The following GTPBP10 variants were observed in gnomAD, a reference collection of about 807,000 sequenced individuals.
GTPBP10 encodes the protein GTP binding protein 10.
Under a neutral mutation model 44.8 loss-of-function variants are expected in GTPBP10, and 38 were observed. The observed-to-expected ratio is 0.85, with a 90% CI of 0.65 to 1.11. The LOEUF (loss-of-function observed/expected upper bound fraction) is 1.11, where lower values mean the gene tolerates loss of function less well. GTPBP10 is among the 50% of genes most tolerant of loss of function. The pLI is 0.00. For missense variants in GTPBP10, 462 were observed against 453.7 expected, an observed-to-expected ratio of 1.02 and a Z score of -0.17; for synonymous variants, 152 against 150.6, an observed-to-expected ratio of 1.01 and a Z score of -0.07.
At chr7:90,375,436 G>A (rs985726959) in intron 6 of GTPBP10, among the ~76,000 whole-genome samples, 8 of 151,594 alleles carry the variant, frequency 5.3e-5, no homozygotes, top group African/African-American at 9.8e-5. Flanking sequence ...GGGTGCTAAC[G>A]ATGCATCAAT....
At chr7:90,348,421 A>G (rs976559927) in intron 1 of GTPBP10, among the ~76,000 whole-genome samples, 1 of 152,196 alleles carries the variant, frequency 6.6e-6, no homozygotes, top group African/African-American at 2.4e-5. Flanking sequence ...TGACACATAT[A>G]AAATATATAT....
At chr7:90,362,911 C>A (rs174071) in intron 4 of GTPBP10, among the ~76,000 whole-genome samples, 115,290 of 152,032 alleles carry the variant, frequency 0.76, 43,981 homozygotes, top group East Asian at 0.89. Context: ...CTCTTTTGAT[C>A]TTTGTTGGTT....
chr7:90,362,739 A>T (rs13230104), intron 4 of GTPBP10, among the ~76,000 whole-genome samples: 5,172 of 152,252 alleles, frequency 0.034, 122 homozygotes, highest in South Asian at 0.057. Flanking sequence ...GGGGTGTTAA[A>T]GTCTCCCATT....
At chr7:90,359,157 T>A (rs924028981) in intron 4 of GTPBP10, among the ~76,000 whole-genome samples, 6 of 152,128 alleles carry the variant, frequency 3.9e-5, no homozygotes, top group African/African-American at 1.4e-4. Flanking sequence ...TAAAAAAATT[T>A]TTTTTATTAT....
chr7:90,384,966 G>A lies in GTPBP10; in HGVS notation c.976G>A (p.Ala326Thr). ...VEFQHIIPISAVTGEGIEELK... is the reference protein window; with the variant it reads ...VEFQHIIPISTVTGEGIEELK... ...GTTCCAACATATCATCCCCATATCT[G>A]CAGTTACTGGAGAAGGAATCGAAGA... is the stretch of plus-strand genomic sequence containing the variant. The change falls in exon 10 of 10, where the codon GCA becomes ACA. Residue 326 changes from alanine (A) to threonine (T), a missense_variant. Physicochemically the swap from Ala to Thr is moderately conservative, Grantham distance 58. Coordinates refer to ENST00000222511, the MANE Select transcript of GTPBP10 (RefSeq NM_033107.4). The A allele has an allele frequency of 1.2e-6, 2 of 1,611,890 alleles. No homozygotes were observed. Among genetic ancestry groups the A allele is most frequent in the Non-Finnish European group, 1.7e-6 (2 of 1,178,122 alleles).
chr7:90,384,902 T>C lies in GTPBP10; in HGVS notation c.912T>C (p.His304=). 6.3e-7 allele frequency: 1 copy of C among 1,586,430 alleles called. No homozygotes were observed. The highest frequency in any genetic ancestry group is 1.2e-5 in the South Asian group (1 of 85,440). ...TGCTCTTTCTTTTAGATTTTCTGCA[T>C]TTATTTGAAAAAAACATGATTCCAG... The part of the protein sequence containing the change: ...SQLQNPKDFL[H]LFEKNMIPER... The change falls in exon 10 of 10, where the codon CAT becomes CAC. Residue 304 remains histidine (H), a synonymous_variant. Coordinates refer to ENST00000222511, the MANE Select transcript of GTPBP10 (RefSeq NM_033107.4).
At chr7:90,381,222 A>G (rs371144099) in intron 8 of GTPBP10, among the ~76,000 whole-genome samples, 3 of 152,234 alleles carry the variant, frequency 2.0e-5, no homozygotes, top group African/African-American at 7.2e-5. Flanking sequence ...GCTTTTTACA[A>G]TGGCTGTACT....
chr7:90,379,972 G>A (rs543135316), intron 8 of GTPBP10, among the ~76,000 whole-genome samples: 41 of 152,086 alleles, frequency 2.7e-4, no homozygotes, highest in South Asian at 2.1e-4. Context: ...TGTCTTTGGA[G>A]AAAAGTCTGT....
At chr7:90,367,802 T>A (rs1796165880) in intron 4 of GTPBP10, among the ~76,000 whole-genome samples, 1 of 152,224 alleles carries the variant, frequency 6.6e-6, no homozygotes, top group African/African-American at 2.4e-5. Flanking sequence ...TATTGTTATG[T>A]GTAAATTTGA....
In GTPBP10 at chr7:90,372,096, T is replaced by G. The variant is rs144848428; in HGVS notation, c.465-59T>G. On this transcript the variant is annotated intron_variant, in intron 4 of 9. Transcript: ENST00000222511. ...ATATTCATGAAGTCTACTTGAATTG[T>G]TAGGAATTCAGAGATAATAATATTG... The G allele has an allele frequency of 3.7e-4, 369 of 989,436 alleles. 1 individual carries two copies. The African/African-American group carries it at 4.4e-3, about 12-fold the overall frequency. The allele number at this position is 989,436 out of a possible 1,614,324, so 61.3% of individuals were successfully genotyped here.
chr7:90,388,798 G>T lies in GTPBP10; in HGVS notation c.*3644G>T, dbSNP rs768450584. 7.2e-5 allele frequency: 11 copies of T among 152,144 alleles called. No homozygotes were observed. 9.4% of individuals were successfully genotyped at this position (152,144 alleles called of 1,614,324 possible). ...AGTAGTTAATGAAAGCTACAGACTT[G>T]TCTTGCCGAAAAATGTACATAAACA... On this transcript the variant is annotated 3_prime_UTR_variant, in exon 10 of 10. Coordinates refer to ENST00000222511, the MANE Select transcript of GTPBP10 (RefSeq NM_033107.4).
At chr7:90,362,359 C>G (rs1712191) in intron 4 of GTPBP10, among the ~76,000 whole-genome samples, 3 of 152,150 alleles carry the variant, frequency 2.0e-5, no homozygotes, top group Non-Finnish European at 2.9e-5. Flanking sequence ...TTTCAAAGAA[C>G]ATCTTTATTT....
intron 4 of GTPBP10, among the ~76,000 whole-genome samples, chr7:90,368,726 A>G (rs947832407): frequency 3.3e-5 from 5 of 152,308 alleles, no homozygotes; most frequent in Admixed American, 6.5e-5. Context: ...CTTCTTTGCA[A>G]TGGATTAGAA....
chr7:90,363,227 C>T (rs1401818630), intron 4 of GTPBP10, among the ~76,000 whole-genome samples: 6 of 152,122 alleles, frequency 3.9e-5, no homozygotes, highest in Admixed American at 6.6e-5. Context: ...TTGTTCCTAG[C>T]GTTGGTGGTC....
intron 2 of GTPBP10, 127 bp downstream of exon 2, chr7:90,353,136 A>G: frequency 1.7e-6 from 1 of 591,964 alleles, no homozygotes; most frequent in Non-Finnish European, 2.9e-6. Context: ...ATAACCAAGC[A>G]AAAGCCTAAA....
chr7:90,362,401 A>G (rs947281824), intron 4 of GTPBP10, among the ~76,000 whole-genome samples: 1 of 152,168 alleles, frequency 6.6e-6, no homozygotes, highest in African/African-American at 2.4e-5. Flanking sequence ...CCCAGTAGTC[A>G]TTCAGGAGCA....
At chr7:90,383,229 A>G (rs79179640) in intron 9 of GTPBP10, 150 bp downstream of exon 9, 1 of 469,914 alleles carries the variant, frequency 2.1e-6, no homozygotes, top group East Asian at 3.5e-5. Context: ...ACATTGTAAC[A>G]TAATAATTAC....
intron 1 of GTPBP10, among the ~76,000 whole-genome samples, chr7:90,349,779 A>G (rs17863071): frequency 0.028 from 4,325 of 152,220 alleles, 79 homozygotes; most frequent in African/African-American, 0.045. Context: ...ATCAGCATTA[A>G]CAACCTGATT....
intron 4 of GTPBP10, among the ~76,000 whole-genome samples, chr7:90,359,823 A>G (rs1795977443): frequency 6.6e-6 from 1 of 152,198 alleles, no homozygotes; most frequent in African/African-American, 2.4e-5. Flanking sequence ...TGACTTTTTA[A>G]GGATCGCCAT....
Sources: gnomAD v4.1 joint callset for allele counts (sites outside exome capture counted in the v4.1 genomes callset) on GRCh38, gnomAD v4.1.1 for gene constraint, MANE v1.5 for transcripts, NCBI Gene and HGNC (gene_info 2026-07-23, HGNC 2026-07-21) for gene names.